Variants in C11orf65 observed in about 807,000 individuals in gnomAD.
C11orf65 encodes chromosome 11 open reading frame 65.
A neutral mutation model predicts 35.3 loss-of-function variants in C11orf65; 38 were observed. The observed-to-expected ratio is 1.08, with a 90% confidence interval of 0.83 to 1.41. The LOEUF is 1.41. Ranked by LOEUF, C11orf65 falls within the 40% of genes most tolerant of loss-of-function variation. The pLI is 0.00. For synonymous variants in C11orf65, 105 were observed against 114.4 expected, an observed-to-expected ratio of 0.92 and a Z score of 0.53; for missense variants, 370 against 367.1, an observed-to-expected ratio of 1.01 and a Z score of -0.06.
chr11:108,312,538 C>G (rs377311701), intron 6 of C11orf65: 1 of 1,433,622 alleles, frequency 7.0e-7, no homozygotes, highest in Non-Finnish European at 9.8e-7. Flanking sequence ...CAGTATTTAT[C>G]TCATACTTTG....
intron 6 of C11orf65, among the ~76,000 whole-genome samples, chr11:108,402,119 C>G (rs767327874): frequency 2.6e-5 from 4 of 152,126 alleles, no homozygotes; most frequent in Non-Finnish European, 5.9e-5. Context: ...TCCTGAAATA[C>G]AAATCTCATT....
intron 2 of C11orf65, among the ~76,000 whole-genome samples, chr11:108,446,587 C>G (rs1206252697): frequency 3.9e-5 from 6 of 151,954 alleles, no homozygotes; most frequent in Admixed American, 1.3e-4. Context: ...AATTCTGAGA[C>G]ATTTTGTCAC....
chr11:108,356,930 C>G (rs935045322), intron 2 of C11orf65, among the ~76,000 whole-genome samples: 2 of 152,086 alleles, frequency 1.3e-5, no homozygotes. Flanking sequence ...ACACACCCTC[C>G]GGGAGGAGGA....
intron 3 of C11orf65, among the ~76,000 whole-genome samples, chr11:108,414,242 T>C (rs2092698991): frequency 6.6e-6 from 1 of 151,996 alleles, no homozygotes; most frequent in South Asian, 2.1e-4. Context: ...TTCTGTCTAA[T>C]TGAATACTTT....
intron 2 of C11orf65, among the ~76,000 whole-genome samples, chr11:108,341,240 A>G (rs1328328524): frequency 6.6e-6 from 1 of 152,018 alleles, no homozygotes; most frequent in East Asian, 1.9e-4. Flanking sequence ...TCTGCCTGCA[A>G]TGCTTTTCCC....
At chr11:108,403,424 T>TTG (rs1555164854) in intron 6 of C11orf65, among the ~76,000 whole-genome samples, 2 of 149,940 alleles carry the variant, frequency 1.3e-5, no homozygotes, top group Non-Finnish European at 3.0e-5. Context: ...TTTTTTGTTT[T>TTG]TTTTTTTTTT....
At chr11:108,357,394 G>C (rs1471403298) in intron 2 of C11orf65, among the ~76,000 whole-genome samples, 3 of 152,242 alleles carry the variant, frequency 2.0e-5, no homozygotes, top group East Asian at 1.9e-4. Context: ...GCCCAGGCTT[G>C]ATTAGGTAAA....
intron 3 of C11orf65, among the ~76,000 whole-genome samples, chr11:108,423,621 T>C (rs1462949089): frequency 2.0e-5 from 3 of 152,064 alleles, no homozygotes; most frequent in Non-Finnish European, 4.4e-5. Context: ...CTGGGAGACA[T>C]CTCCCAGCAG....
downstream of C11orf65, among the ~76,000 whole-genome samples, chr11:108,380,637 G>A (rs549321414): frequency 2.0e-5 from 3 of 152,308 alleles, no homozygotes; most frequent in East Asian, 5.8e-4. Flanking sequence ...GAAGCCAAGC[G>A]CCCAAAATCA....
At chr11:108,451,625 T>C (rs1348425655) in intron 2 of C11orf65, among the ~76,000 whole-genome samples, 1 of 151,902 alleles carries the variant, frequency 6.6e-6, no homozygotes, top group Non-Finnish European at 1.5e-5. Context: ...AAGCTACCAA[T>C]GACTTTCTTC....
chr11:108,332,291 G>A (rs1302022890), intron 3 of C11orf65, among the ~76,000 whole-genome samples: 1 of 152,076 alleles, frequency 6.6e-6, no homozygotes, highest in Non-Finnish European at 1.5e-5. Context: ...AAACAGCTGG[G>A]CATGGTGGTG....
intron 6 of C11orf65, chr11:108,309,210 CA>C: frequency 1.7e-5 from 9 of 530,250 alleles, no homozygotes; most frequent in Admixed American, 3.1e-5. Flanking sequence ...ACAACAACAA[CA>C]AAAAAATTGC....
At chr11:108,342,331 G>C (rs559025854) in intron 2 of C11orf65, among the ~76,000 whole-genome samples, 12 of 152,126 alleles carry the variant, frequency 7.9e-5, no homozygotes, top group Non-Finnish European at 1.8e-4. Flanking sequence ...GTAGTATATA[G>C]CTGTTAAAAT....
intron 3 of C11orf65, among the ~76,000 whole-genome samples, chr11:108,415,363 C>T (rs572696828): frequency 9.2e-5 from 14 of 151,840 alleles, no homozygotes; most frequent in African/African-American, 2.4e-4. Flanking sequence ...TATATCAGCA[C>T]GCAAAAAAGT....
downstream of C11orf65, among the ~76,000 whole-genome samples, chr11:108,377,818 G>C (rs1421209667): frequency 6.6e-6 from 1 of 151,978 alleles, no homozygotes; most frequent in Non-Finnish European, 1.5e-5. Flanking sequence ...AAAATCAGAA[G>C]CATTCTTATA....
At chr11:108,330,222 T>C (rs776266049), downstream of C11orf65, 6 of 1,613,934 alleles carry the variant, frequency 3.7e-6, no homozygotes, top group Non-Finnish European at 4.2e-6. Flanking sequence ...AGATACACAG[T>C]AAAGGTTCAG....
intron 2 of C11orf65, among the ~76,000 whole-genome samples, chr11:108,376,081 A>T (rs2091716050): frequency 6.6e-6 from 1 of 152,170 alleles, no homozygotes; most frequent in Non-Finnish European, 1.5e-5. Context: ...GATCAACGAG[A>T]CAAAAAGTCA....
intron 6 of C11orf65, among the ~76,000 whole-genome samples, chr11:108,309,490 T>G (rs2083964154): frequency 6.6e-6 from 1 of 152,192 alleles, no homozygotes; most frequent in Admixed American, 6.5e-5. Context: ...AGAAGTTAAG[T>G]TGCTGAAGAT....
intron 6 of C11orf65, among the ~76,000 whole-genome samples, chr11:108,394,941 G>C (rs2092268455): frequency 6.6e-6 from 1 of 151,930 alleles, no homozygotes; most frequent in South Asian, 2.1e-4. Context: ...GAACATACTG[G>C]ACAACACAGT....
Sources: allele counts gnomAD v4.1 joint callset (sites outside exome capture counted in the v4.1 genomes callset), GRCh38; gene constraint gnomAD v4.1.1; transcripts MANE v1.5; gene names NCBI Gene and HGNC (gene_info 2026-07-23, HGNC 2026-07-21).